Variants in AGPAT4 observed in about 807,000 individuals in gnomAD.
AGPAT4 encodes 1-acyl-sn-glycerol-3-phosphate acyltransferase delta.
In AGPAT4, 15 loss-of-function variants were observed where a neutral mutation model predicts 48.0. The observed-to-expected ratio is 0.31, with a 90% CI of 0.21 to 0.48. The LOEUF (loss-of-function observed/expected upper bound fraction) is 0.48. Ranked by LOEUF, AGPAT4 falls within the 20% of genes least tolerant of loss-of-function variation. AGPAT4 has a pLI of 0.99. For missense variants in AGPAT4, 314 were observed against 482.5 expected (o/e 0.65, Z 3.27); for synonymous variants, 178 against 198.7 (o/e 0.90, Z 0.88).
intron 2 of AGPAT4, among the ~76,000 whole-genome samples, chr6:161,176,069 T>C (rs1386549711): frequency 6.6e-6 from 1 of 152,226 alleles, no homozygotes; most frequent in African/African-American, 2.4e-5. Flanking sequence ...ATGTGGTCAG[T>C]TTTGGAATAA....
rs141862715 is a variant in AGPAT4, at chr6:161,136,420, G to A, written c.*120C>T. On this transcript the variant is annotated 3_prime_UTR_variant, in exon 9 of 9. Transcript: ENST00000320285. ...ACCAGACTCCCTGGCTGGAGAGGTC[G>A]TGACTTCCGCCGTGCCCAGCAGGGG... is the stretch of plus-strand genomic sequence containing the variant. 5.3e-3 allele frequency: 4,385 copies of A among 821,862 alleles called. 15 individuals are homozygous for A. The highest frequency in any genetic ancestry group is 7.3e-3 in the Non-Finnish European group (3,670 of 503,522). 50.9% of individuals were successfully genotyped at this position (821,862 alleles called of 1,614,324 possible).
In AGPAT4 at chr6:161,272,929, T is replaced by G. The variant is rs1783471335; in HGVS notation, c.-90+1009A>C. Among the ~76,000 whole-genome samples, 1 of 152,206 alleles carries G rather than the reference T, an allele frequency of 6.6e-6. No individual in the cohort carries two copies. Among genetic ancestry groups the G allele is most frequent in the Non-Finnish European group, 1.5e-5 (1 of 68,044 alleles). The stretch of plus-strand genomic sequence containing the variant: ...CGGAGAATCCTGCCCGGCAGTTAAT[T>G]TGTTACTCATACTTGTTGAACTTAA... On this transcript the variant is annotated intron_variant, in intron 1 of 8. Transcript: ENST00000320285. The surrounding 1 kb of genome is among the most constrained non-coding windows in gnomAD (Gnocchi z 4.2).
In AGPAT4 at chr6:161,178,904, C is replaced by G. The variant is rs1780505652; in HGVS notation, c.179-12487G>C. 6.6e-6 allele frequency among the ~76,000 whole-genome samples: 1 copy of G among 152,250 alleles called. No homozygotes were observed. On this transcript the variant is annotated intron_variant, in intron 2 of 8. Transcript: ENST00000320285. This position sits in a 1 kb window ranked among gnomAD's most constrained non-coding sequence, Gnocchi z 5.1. ...TCGGATTCTGCTCTTGCAGCCACATCTGGCTTTGACCAGTTGCTGCTGCCT... is the reference window on the plus strand; with the variant it reads ...TCGGATTCTGCTCTTGCAGCCACATGTGGCTTTGACCAGTTGCTGCTGCCT...
At chr6:161,268,756 T>G (rs939998571) in intron 1 of AGPAT4, among the ~76,000 whole-genome samples, 2 of 152,116 alleles carry the variant, frequency 1.3e-5, no homozygotes, top group Non-Finnish European at 2.9e-5. Flanking sequence ...GGAGTGTGGT[T>G]TTCCAGAGGA....
In AGPAT4 at chr6:161,155,606, T is replaced by C. The variant is rs1779747132; in HGVS notation, c.349-1296A>G. Among the ~76,000 whole-genome samples, 1 of 152,246 alleles carries C rather than the reference T, an allele frequency of 6.6e-6. No homozygotes were observed. The highest frequency in any genetic ancestry group is 2.4e-5 in the African/African-American group (1 of 41,466). On this transcript the variant is annotated intron_variant, in intron 3 of 8. Coordinates refer to ENST00000320285, the MANE Select transcript of AGPAT4 (RefSeq NM_020133.3). This position sits in a 1 kb window ranked among gnomAD's most constrained non-coding sequence, Gnocchi z 5.8. ...CCTCACATGGGATAGAAAAGGCAGA[T>C]ACCTTCTAGGTTTAGCATCTCCATT...
chr6:161,225,190 C>A lies in AGPAT4; in HGVS notation c.178+6846G>T, dbSNP rs1367368846. ...TGACTCATTCCAATTACCTACTCTA[C>A]CCTGACTCATTCTGATTCCGTCCCC... On this transcript the variant is annotated intron_variant, in intron 2 of 8. Transcript: ENST00000320285. This position sits in a 1 kb window ranked among gnomAD's most constrained non-coding sequence, Gnocchi z 5.0. Among the ~76,000 whole-genome samples the A allele has an allele frequency of 1.3e-5, 2 of 152,210 alleles. No homozygotes were observed. The highest frequency in any genetic ancestry group is 4.8e-5 in the African/African-American group (2 of 41,454).
Position 161,153,991 on chromosome 6 carries a change from A to G in AGPAT4, c.510+158T>C, listed in dbSNP as rs1016717696. The G allele has an allele frequency of 3.1e-6, 3 of 970,432 alleles. No individual in the cohort carries two copies. The African/African-American group carries it at 4.8e-5, about 16-fold the overall frequency. 60.1% of individuals were successfully genotyped at this position (970,432 alleles called of 1,614,324 possible). ...CACGGTCACACACGGCCCCATGGTCACATACATCCCTGAGGTTATACACAG... is the reference window on the plus strand; with the variant it reads ...CACGGTCACACACGGCCCCATGGTCGCATACATCCCTGAGGTTATACACAG... On this transcript the variant is annotated intron_variant, in intron 4 of 8. Transcript: ENST00000320285.
chr6:161,151,174 G>C (rs1044357273), intron 5 of AGPAT4, among the ~76,000 whole-genome samples: 1 of 152,234 alleles, frequency 6.6e-6, no homozygotes, highest in Non-Finnish European at 1.5e-5. Context: ...ATCCCAGCTC[G>C]CCATGTACTG....
Position 161,245,733 on chromosome 6 carries a change from T to C in AGPAT4, c.-89-13431A>G, listed in dbSNP as rs62437572. Among the ~76,000 whole-genome samples the C allele has an allele frequency of 0.11, 17,170 of 152,142 alleles. 1,281 individuals are homozygous for C. The highest frequency in any genetic ancestry group is 0.17 in the Non-Finnish European group (11,317 of 67,982). On this transcript the variant is annotated intron_variant, in intron 1 of 8. Coordinates refer to ENST00000320285, the MANE Select transcript of AGPAT4 (RefSeq NM_020133.3). This position sits in a 1 kb window ranked among gnomAD's most constrained non-coding sequence, Gnocchi z 5.2. Reference sequence around the variant, plus strand: ...CCCTCAATCCTTGAGTTCTTGGAGATCCTGTCATTGCCAATCCTAGTTTCT... The same window carrying C: ...CCCTCAATCCTTGAGTTCTTGGAGACCCTGTCATTGCCAATCCTAGTTTCT...
chr6:161,163,295 C>A (rs561690144), intron 3 of AGPAT4, among the ~76,000 whole-genome samples: 3 of 152,318 alleles, frequency 2.0e-5, no homozygotes, highest in East Asian at 1.9e-4. Flanking sequence ...TGGTCAGGAA[C>A]CTTCTTCTGT....
rs1254879394 is a variant in AGPAT4, at chr6:161,140,847, G to A, written c.844-1227C>T. On this transcript the variant is annotated intron_variant, in intron 7 of 8. Transcript: ENST00000320285. This position sits in a 1 kb window ranked among gnomAD's most constrained non-coding sequence, Gnocchi z 6.5. ...GCCTCAGCTATTGTAAAAGCTGCAC[G>A]TGGCCGATAGCATGCACGCCACACA... Among the ~76,000 whole-genome samples the A allele has an allele frequency of 6.6e-6, 1 of 152,204 alleles. No individual in the cohort carries two copies. The highest frequency in any genetic ancestry group is 2.4e-5 in the African/African-American group (1 of 41,452).
At position 161,210,082 on chromosome 6, in the gene AGPAT4, C is replaced by G. The variant is rs369581943; in HGVS notation, c.178+21954G>C. Among the ~76,000 whole-genome samples, 30 of 152,192 alleles carry G rather than the reference C, an allele frequency of 2.0e-4. No homozygotes were observed. The East Asian group carries it at 4.6e-3, about 23-fold the overall frequency. On this transcript the variant is annotated intron_variant, in intron 2 of 8. Transcript: ENST00000320285. ...GCGTCTAACCTCATAATAATTCTCC[C>G]TTTTTGAAGACCCAGGATTCAGTGT...
chr6:161,209,826 A>G (rs1300881910), intron 2 of AGPAT4, among the ~76,000 whole-genome samples: 3 of 152,186 alleles, frequency 2.0e-5, no homozygotes, highest in African/African-American at 7.2e-5. Context: ...TTGGTCAGAG[A>G]CCAGGCAGGA....
chr6:161,237,348 A>G (rs6455712), intron 1 of AGPAT4, among the ~76,000 whole-genome samples: 87,433 of 152,172 alleles, frequency 0.57, 27,299 homozygotes, highest in African/African-American at 0.82. Context: ...TGTGAAAGGA[A>G]TTCATGGCTA....
intron 1 of AGPAT4, among the ~76,000 whole-genome samples, chr6:161,273,189 A>G (rs975608002): frequency 1.3e-5 from 2 of 152,230 alleles, no homozygotes; most frequent in Admixed American, 1.3e-4. Context: ...AAGACCAGAC[A>G]CTGAAGACTT....
intron 2 of AGPAT4, among the ~76,000 whole-genome samples, chr6:161,199,866 T>A (rs918051115): frequency 3.3e-5 from 5 of 152,176 alleles, no homozygotes; most frequent in Non-Finnish European, 7.3e-5. Flanking sequence ...CTTTTCTTCA[T>A]AAATTACCCA....
In AGPAT4 at chr6:161,170,830, C is replaced by A. The variant is rs1234714375; in HGVS notation, c.179-4413G>T. On this transcript the variant is annotated intron_variant, in intron 2 of 8. Coordinates refer to ENST00000320285, the MANE Select transcript of AGPAT4 (RefSeq NM_020133.3). The stretch of plus-strand genomic sequence containing the variant: ...ATCAAATGCCAGGGCTTTCTAACTG[C>A]TCAGGGCTCAGGGCATGCAGCATTT... 2.0e-5 allele frequency among the ~76,000 whole-genome samples: 3 copies of A among 152,206 alleles called. No individual in the cohort carries two copies. The East Asian group carries it at 5.8e-4, about 29-fold the overall frequency.
At chr6:161,183,693 AGAGGG>A (rs1562328160) in intron 2 of AGPAT4, among the ~76,000 whole-genome samples, 1 of 40,654 alleles carries the variant, frequency 2.5e-5, no homozygotes, top group Non-Finnish European at 4.4e-5. Flanking sequence ...GGAGGAGAGG[AGAGGG>A]GAGGAGAGGA....
chr6:161,178,534 G>A lies in AGPAT4; in HGVS notation c.179-12117C>T, dbSNP rs768024786. Among the ~76,000 whole-genome samples, 26 of 152,164 alleles carry A rather than the reference G, an allele frequency of 1.7e-4. No homozygotes were observed. The highest frequency in any genetic ancestry group is 3.2e-4 in the Non-Finnish European group (22 of 68,030). ...AATTTTCCAGGTGCCGTCTGTCACCGCTTCCCTTGGCTAGGAAAGGGAATT... is the reference window on the plus strand; with the variant it reads ...AATTTTCCAGGTGCCGTCTGTCACCACTTCCCTTGGCTAGGAAAGGGAATT... On this transcript the variant is annotated intron_variant, in intron 2 of 8. Transcript: ENST00000320285. The surrounding 1 kb of genome is among the most constrained non-coding windows in gnomAD (Gnocchi z 5.1).
Sources: allele counts gnomAD v4.1 joint callset (sites outside exome capture counted in the v4.1 genomes callset), GRCh38; gene constraint gnomAD v4.1.1; non-coding constraint Gnocchi (gnomAD v3.1); transcripts MANE v1.5; gene names NCBI Gene and HGNC (gene_info 2026-07-23, HGNC 2026-07-21).